The following PRKCA variants were observed in gnomAD, a reference collection of about 807,000 sequenced individuals.
PRKCA encodes protein kinase C alpha type.
In PRKCA, 27 loss-of-function variants were observed where a neutral mutation model predicts 87.0. That is an observed-to-expected ratio of 0.31 (90% CI 0.23 to 0.43). PRKCA has a LOEUF of 0.43. Among genes scored for constraint, PRKCA ranks in the 20% least tolerant of loss-of-function variants. PRKCA has a pLI of 1.00. For synonymous variants in PRKCA, 329 were observed against 311.1 expected (o/e 1.06, Z -0.61); for missense variants, 518 against 852.3 (o/e 0.61, Z 4.88).
intron 2 of PRKCA, among the ~76,000 whole-genome samples, chr17:66,479,695 T>A (rs947799054): frequency 1.2e-4 from 18 of 152,204 alleles, no homozygotes; most frequent in African/African-American, 3.6e-4. Flanking sequence ...CGAGATCATG[T>A]CCTTTGCAGG....
intron 10 of PRKCA, among the ~76,000 whole-genome samples, chr17:66,737,771 C>T (rs569172692): frequency 6.6e-6 from 1 of 152,360 alleles, no homozygotes; most frequent in African/African-American, 2.4e-5. Context: ...GAGCAGCATG[C>T]TCGGAAGAGA....
rs189081563 is a variant in PRKCA, at chr17:66,808,678, A to C, written c.*4641A>C. The C allele has an allele frequency of 1.3e-5, 2 of 152,302 alleles. No individual in the cohort carries two copies. The highest frequency in any genetic ancestry group is 6.5e-5 in the Admixed American group (1 of 15,302). The allele number at this position is 152,302 out of a possible 1,614,324, so 9.4% of individuals were successfully genotyped here. ...GCTCTGTTGTTAGTGGCCACACACC[A>C]ATTTGACAAGGAGTGTTGCGAAATT... On this transcript the variant is annotated 3_prime_UTR_variant, in exon 17 of 17. Transcript: ENST00000413366.
chr17:66,354,948 C>T (rs1031263806), intron 2 of PRKCA, among the ~76,000 whole-genome samples: 12 of 152,314 alleles, frequency 7.9e-5, no homozygotes, highest in African/African-American at 2.9e-4. Flanking sequence ...TTGTTTTCAG[C>T]ATCCTAACAA....
intron 2 of PRKCA, among the ~76,000 whole-genome samples, chr17:66,317,140 T>C (rs1233283229): frequency 3.6e-5 from 5 of 138,980 alleles, no homozygotes; most frequent in African/African-American, 1.3e-4. Flanking sequence ...AGACTCTGTC[T>C]CAAAAAAAAA....
chr17:66,475,918 A>G (rs564467027), intron 2 of PRKCA, among the ~76,000 whole-genome samples: 2 of 152,086 alleles, frequency 1.3e-5, no homozygotes, highest in Non-Finnish European at 1.5e-5. Flanking sequence ...ATTTTTTGAG[A>G]TGGAGTCTTG....
At position 66,580,463 on chromosome 17, in the gene PRKCA, A is replaced by G. The variant is rs562892087; in HGVS notation, c.289-60892A>G. Reference sequence around the variant, plus strand: ...CAGGCTGCCCCTCTTGGCTCTCCATATAGGCCTGAGAGCCACGTGGTCCCA... The same window carrying G: ...CAGGCTGCCCCTCTTGGCTCTCCATGTAGGCCTGAGAGCCACGTGGTCCCA... On this transcript the variant is annotated intron_variant, in intron 3 of 16. Coordinates refer to ENST00000413366, the MANE Select transcript of PRKCA (RefSeq NM_002737.3). 1.6e-3 allele frequency among the ~76,000 whole-genome samples: 248 copies of G among 152,290 alleles called. 2 individuals carry two copies. Among genetic ancestry groups the G allele is most frequent in the African/African-American group, 5.7e-3 (235 of 41,568 alleles).
chr17:66,486,667 T>C (rs548191749), intron 2 of PRKCA, among the ~76,000 whole-genome samples: 2 of 152,240 alleles, frequency 1.3e-5, no homozygotes, highest in Admixed American at 1.3e-4. Flanking sequence ...AAGACATCTC[T>C]CATGGCTTGG....
At chr17:66,513,916 T>A (rs1966880732) in intron 3 of PRKCA, among the ~76,000 whole-genome samples, 1 of 152,194 alleles carries the variant, frequency 6.6e-6, no homozygotes, top group South Asian at 2.1e-4. Context: ...GGAGATTTTC[T>A]TTTTGGATTT....
At chr17:66,593,271 G>A (rs1969870277) in intron 3 of PRKCA, among the ~76,000 whole-genome samples, 1 of 152,122 alleles carries the variant, frequency 6.6e-6, no homozygotes. Context: ...GGCTCCATGT[G>A]GTCATTCAGG....
intron 3 of PRKCA, among the ~76,000 whole-genome samples, chr17:66,564,451 T>C (rs28584547): frequency 0.6 from 91,210 of 151,924 alleles, 28,718 homozygotes; most frequent in African/African-American, 0.8. Flanking sequence ...TTCTGTTGGG[T>C]GGTGCTTCTG....
rs974537802 is a variant in PRKCA, at chr17:66,807,652, A to G, written c.*3615A>G. On this transcript the variant is annotated 3_prime_UTR_variant, in exon 17 of 17. Transcript: ENST00000413366. This position sits in a 1 kb window ranked among gnomAD's most constrained non-coding sequence, Gnocchi z 4.3. ...TTACTCAGAATTTTGATAGAAAACCATGGGGCCAAGAGCTCTGGAAGCCTG... is the reference window on the plus strand; with the variant it reads ...TTACTCAGAATTTTGATAGAAAACCGTGGGGCCAAGAGCTCTGGAAGCCTG... 1 of 152,268 alleles carries G rather than the reference A, an allele frequency of 6.6e-6. No homozygotes were observed. The highest frequency in any genetic ancestry group is 2.4e-5 in the African/African-American group (1 of 41,460). 9.4% of individuals were successfully genotyped at this position (152,268 alleles called of 1,614,324 possible).
intron 2 of PRKCA, among the ~76,000 whole-genome samples, chr17:66,381,107 G>GT (rs1402784910): frequency 6.6e-6 from 1 of 151,734 alleles, no homozygotes; most frequent in Admixed American, 6.6e-5. Flanking sequence ...GCCCAGCTAA[G>GT]TTTTATATTT....
chr17:66,478,385 G>A (rs1915625942), intron 2 of PRKCA, among the ~76,000 whole-genome samples: 1 of 152,080 alleles, frequency 6.6e-6, no homozygotes, highest in African/African-American at 2.4e-5. Flanking sequence ...CTCCCGAGTT[G>A]CTGAGATTAC....
At chr17:66,507,163 T>A (rs747346587) in intron 3 of PRKCA, among the ~76,000 whole-genome samples, 3 of 152,244 alleles carry the variant, frequency 2.0e-5, no homozygotes, top group African/African-American at 4.8e-5. Flanking sequence ...TTCAAACAAC[T>A]TATCCTTAGT....
chr17:66,802,087 G>T (rs1424118746), intron 16 of PRKCA, among the ~76,000 whole-genome samples: 2 of 152,096 alleles, frequency 1.3e-5, no homozygotes, highest in African/African-American at 4.8e-5. Context: ...CAGGTGTGGT[G>T]GTGCGCACCC....
chr17:66,726,746 A>G (rs2144180432), intron 8 of PRKCA, among the ~76,000 whole-genome samples: 1 of 149,258 alleles, frequency 6.7e-6, no homozygotes, highest in African/African-American at 2.5e-5. Flanking sequence ...TTTTTTCGAG[A>G]CAGGGTCTCA....
At chr17:66,519,311 A>G (rs1260272191) in intron 3 of PRKCA, among the ~76,000 whole-genome samples, 5 of 152,146 alleles carry the variant, frequency 3.3e-5, no homozygotes, top group African/African-American at 1.2e-4. Context: ...GGCTGTGCAT[A>G]TTGTGTTTGA....
At chr17:66,338,987 C>T (rs1906874672) in intron 2 of PRKCA, among the ~76,000 whole-genome samples, 1 of 152,092 alleles carries the variant, frequency 6.6e-6, no homozygotes, top group African/African-American at 2.4e-5. Flanking sequence ...TGCTGGCATT[C>T]CTTAGACATT....
At chr17:66,647,672 G>C (rs1182246560) in intron 5 of PRKCA, among the ~76,000 whole-genome samples, 1 of 152,162 alleles carries the variant, frequency 6.6e-6, no homozygotes, top group Admixed American at 6.5e-5. Context: ...GAAGACAAAG[G>C]TCAGGCCTTA....
Sources: allele counts gnomAD v4.1 joint callset (sites outside exome capture counted in the v4.1 genomes callset), GRCh38; gene constraint gnomAD v4.1.1; non-coding constraint Gnocchi (gnomAD v3.1); transcripts MANE v1.5; gene names NCBI Gene and HGNC (gene_info 2026-07-23, HGNC 2026-07-21).